Variants in CA10 observed in about 807,000 individuals in gnomAD.
The protein encoded by CA10 is carbonic anhydrase-related protein 10.
In CA10, 14 loss-of-function variants were observed where a neutral mutation model predicts 44.2. The observed-to-expected ratio is 0.32, with a 90% CI of 0.21 to 0.50. CA10 has a LOEUF of 0.50. Ranked by LOEUF, CA10 falls within the 20% of genes least tolerant of loss-of-function variation. The pLI, the probability that CA10 is intolerant of heterozygous loss-of-function variation, is 0.99. For synonymous variants in CA10, 159 were observed against 141.6 expected, an observed-to-expected ratio of 1.12 and a Z score of -0.87; for missense variants, 350 against 409.7, an observed-to-expected ratio of 0.85 and a Z score of 1.26.
intron 4 of CA10, among the ~76,000 whole-genome samples, chr17:51,680,136 T>C (rs1481094852): frequency 3.3e-5 from 5 of 152,102 alleles, no homozygotes; most frequent in Non-Finnish European, 5.9e-5. Flanking sequence ...TAAAGTAATA[T>C]GGGATTTCAA....
intron 1 of CA10, among the ~76,000 whole-genome samples, chr17:52,116,217 A>T (rs1301965578): frequency 6.6e-6 from 1 of 152,016 alleles, no homozygotes; most frequent in Non-Finnish European, 1.5e-5. Context: ...TTTTCACCCT[A>T]TCAGGAGTTA....
Position 51,985,068 on chromosome 17 carries a change from A to G in CA10, c.137-53936T>C, listed in dbSNP as rs1984782391. Among the ~76,000 whole-genome samples, 4 of 151,990 alleles carry G rather than the reference A, an allele frequency of 2.6e-5. No homozygotes were observed. In the South Asian group the frequency reaches 8.3e-4, roughly 31 times the overall value. ...CCAGGAAAGGACATAACCAAAAAAG[A>G]AAACTACGGACTGATATCCTTGATG... is the stretch of plus-strand genomic sequence containing the variant. On this transcript the variant is annotated intron_variant, in intron 2 of 8. Coordinates refer to ENST00000451037, the MANE Select transcript of CA10 (RefSeq NM_020178.5).
At chr17:51,778,586 A>C (rs1352559441) in intron 3 of CA10, among the ~76,000 whole-genome samples, 1 of 152,246 alleles carries the variant, frequency 6.6e-6, no homozygotes, top group East Asian at 1.9e-4. Flanking sequence ...ACATGGTAAT[A>C]GTCCTGATGG....
chr17:51,916,554 CT>C (rs1456633025), intron 3 of CA10, among the ~76,000 whole-genome samples: 1 of 152,156 alleles, frequency 6.6e-6, no homozygotes, highest in East Asian at 1.9e-4. Context: ...CACAAATTCT[CT>C]TGTCTGCTGC....
intron 2 of CA10, among the ~76,000 whole-genome samples, chr17:52,053,865 C>T (rs1987149211): frequency 6.6e-6 from 1 of 152,086 alleles, no homozygotes; most frequent in Non-Finnish European, 1.5e-5. Context: ...ATTTCATGGA[C>T]ACTTATCACT....
intron 8 of CA10, among the ~76,000 whole-genome samples, chr17:51,632,956 TTC>T (rs1912651330): frequency 1.3e-5 from 2 of 152,172 alleles, no homozygotes; most frequent in Admixed American, 1.3e-4. Context: ...CCCCATTGGA[TTC>T]TAATGGCCTG....
intron 4 of CA10, among the ~76,000 whole-genome samples, chr17:51,680,876 G>T (rs1863487645): frequency 6.6e-6 from 1 of 152,096 alleles, no homozygotes; most frequent in South Asian, 2.1e-4. Flanking sequence ...AGGGCAGATT[G>T]ATGCTATTGC....
Position 51,837,451 on chromosome 17 carries a change from C to T in CA10, c.280-89633G>A, listed in dbSNP as rs548048761. ...TCATGTGATTCTCATGACCACATTA[C>T]GATATTGGGTATGAAAGGCTAGACC... On this transcript the variant is annotated intron_variant, in intron 3 of 8. Coordinates refer to ENST00000451037, the MANE Select transcript of CA10 (RefSeq NM_020178.5). Among the ~76,000 whole-genome samples, 51 of 152,088 alleles carry T rather than the reference C, an allele frequency of 3.4e-4. 1 individual carries two copies. Among genetic ancestry groups the T allele is most frequent in the Non-Finnish European group, 6.2e-4 (42 of 68,000 alleles).
intron 3 of CA10, among the ~76,000 whole-genome samples, chr17:51,838,479 T>C (rs565607744): frequency 1.3e-5 from 2 of 152,342 alleles, no homozygotes; most frequent in East Asian, 1.9e-4. Flanking sequence ...GAGAAATAAA[T>C]GTATGAAGTG....
rs998788305 is a variant in CA10, at chr17:52,157,955, G to A, written c.-169C>T. 10 of 660,440 alleles carry A rather than the reference G, an allele frequency of 1.5e-5. No individual in the cohort carries two copies. The highest frequency in any genetic ancestry group is 1.4e-5 in the Non-Finnish European group (5 of 364,846). 40.9% of individuals were successfully genotyped at this position (660,440 alleles called of 1,614,324 possible). A position where few individuals can be genotyped will look rare whatever the true frequency, so the allele number is the denominator to read the frequency against. On this transcript the variant is annotated 5_prime_UTR_variant, in exon 1 of 9. Transcript: ENST00000451037. ...AGTCACCCCCAAGATCAATATCGCA[G>A]TTTGAATTGTTCCGGCAAATCTCCC...
chr17:51,781,542 C>T (rs558778259), intron 3 of CA10, among the ~76,000 whole-genome samples: 158 of 152,328 alleles, frequency 1.0e-3, no homozygotes, highest in African/African-American at 2.5e-3. Flanking sequence ...AACTCACTTG[C>T]ATTAATAATG....
intron 2 of CA10, among the ~76,000 whole-genome samples, chr17:51,960,607 G>T (rs1179908929): frequency 1.3e-5 from 2 of 152,138 alleles, no homozygotes; most frequent in Non-Finnish European, 2.9e-5. Flanking sequence ...TTGAAGTATT[G>T]ACAGTGAACC....
intron 2 of CA10, among the ~76,000 whole-genome samples, chr17:52,014,004 A>G (rs1006107984): frequency 2.6e-5 from 4 of 151,992 alleles, no homozygotes; most frequent in Admixed American, 2.0e-4. Context: ...GGAAGCAAAG[A>G]TAAATCATGA....
At chr17:51,986,751 A>G (rs569027837) in intron 2 of CA10, among the ~76,000 whole-genome samples, 38 of 152,168 alleles carry the variant, frequency 2.5e-4, no homozygotes, top group African/African-American at 9.1e-4. Flanking sequence ...GACAAACATG[A>G]AAAAATACTT....
intron 3 of CA10, among the ~76,000 whole-genome samples, chr17:51,923,962 A>G (rs1982327841): frequency 6.6e-6 from 1 of 152,148 alleles, no homozygotes; most frequent in Non-Finnish European, 1.5e-5. Context: ...ATATGAAAGC[A>G]TGTTTATCAT....
At chr17:51,965,555 T>A (rs1984050139) in intron 2 of CA10, among the ~76,000 whole-genome samples, 1 of 152,032 alleles carries the variant, frequency 6.6e-6, no homozygotes. Context: ...TGGTTCAACA[T>A]ACACAAATCA....
At chr17:51,808,656 G>A (rs1172479147) in intron 3 of CA10, among the ~76,000 whole-genome samples, 3 of 152,162 alleles carry the variant, frequency 2.0e-5, no homozygotes, top group Non-Finnish European at 4.4e-5. Context: ...GGAATATAAT[G>A]CAGCCATTAA....
chr17:51,638,831 T>A (rs1003266543), intron 6 of CA10, among the ~76,000 whole-genome samples: 1 of 151,964 alleles, frequency 6.6e-6, no homozygotes, highest in Non-Finnish European at 1.5e-5. Context: ...CAGCAGGAGG[T>A]GATCAGTTTG....
At chr17:51,774,672 GAGATC>G (rs1905747239) in intron 3 of CA10, among the ~76,000 whole-genome samples, 1 of 152,092 alleles carries the variant, frequency 6.6e-6, no homozygotes, top group Non-Finnish European at 1.5e-5. Flanking sequence ...TCGAACTCCT[GAGATC>G]AGGGAATCCA....
Sources: allele counts gnomAD v4.1 joint callset (sites outside exome capture counted in the v4.1 genomes callset), GRCh38; gene constraint gnomAD v4.1.1; transcripts MANE v1.5; gene names NCBI Gene and HGNC (gene_info 2026-07-23, HGNC 2026-07-21).